Variants in DPP6 observed in about 807,000 individuals in gnomAD.
DPP6 encodes A-type potassium channel modulatory protein DPP6.
Under a neutral mutation model 122.6 loss-of-function variants are expected in DPP6, and 69 were observed. The ratio of observed to expected loss-of-function variants is 0.56; its 90% CI spans 0.46 to 0.69. The LOEUF (loss-of-function observed/expected upper bound fraction) is 0.69. Among genes scored for constraint, DPP6 ranks in the 30% least tolerant of loss-of-function variants. The pLI, the probability that DPP6 is intolerant of heterozygous loss-of-function variation, is 0.00. For synonymous variants in DPP6, 418 were observed against 433.1 expected, an observed-to-expected ratio of 0.97 and a Z score of 0.43; for missense variants, 928 against 1,116.9, an observed-to-expected ratio of 0.83 and a Z score of 2.41.
chr7:154,445,888 A>G (rs980601182), intron 1 of DPP6, among the ~76,000 whole-genome samples: 1 of 152,228 alleles, frequency 6.6e-6, no homozygotes, highest in Admixed American at 6.5e-5. Context: ...GGAAAGCTCC[A>G]AGATGACCCT....
chr7:154,338,421 G>C (rs140062661), intron 1 of DPP6, among the ~76,000 whole-genome samples: 1 of 152,094 alleles, frequency 6.6e-6, no homozygotes, highest in African/African-American at 2.4e-5. Flanking sequence ...ATAGTAACTC[G>C]TGATCCAGGG....
intron 4 of DPP6, among the ~76,000 whole-genome samples, chr7:154,550,108 T>C (rs548274532): frequency 6.6e-6 from 1 of 152,344 alleles, no homozygotes; most frequent in South Asian, 2.1e-4. Context: ...TATAAAAGTT[T>C]ATCCCATTTA....
intron 6 of DPP6, among the ~76,000 whole-genome samples, chr7:154,665,866 A>G (rs912593827): frequency 6.6e-6 from 1 of 151,982 alleles, no homozygotes; most frequent in East Asian, 1.9e-4. Flanking sequence ...TTTTTTCAAC[A>G]GTGAAAAACC....
At chr7:154,493,113 T>A (rs912693195) in intron 3 of DPP6, among the ~76,000 whole-genome samples, 2 of 152,120 alleles carry the variant, frequency 1.3e-5, no homozygotes, top group African/African-American at 4.8e-5. Flanking sequence ...ATGGGACCCA[T>A]CAAAGATGTC....
At chr7:154,346,294 C>G (rs1017997105) in intron 1 of DPP6, among the ~76,000 whole-genome samples, 1 of 152,008 alleles carries the variant, frequency 6.6e-6, no homozygotes, top group African/African-American at 2.4e-5. Context: ...CAGTGATTCT[C>G]TCTTTCATCT....
chr7:153,949,871 A>G (rs777970475), intron 1 of DPP6, among the ~76,000 whole-genome samples: 2 of 152,190 alleles, frequency 1.3e-5, no homozygotes, highest in Non-Finnish European at 2.9e-5. Context: ...GGAATAAACT[A>G]AGCGCCCCTT....
intron 1 of DPP6, among the ~76,000 whole-genome samples, chr7:154,005,045 A>C (rs1185817257): frequency 6.6e-6 from 1 of 152,208 alleles, no homozygotes; most frequent in African/African-American, 2.4e-5. Context: ...CAGACCTGAA[A>C]AAAAAAAGCA....
At chr7:154,505,018 A>G (rs919731149) in intron 3 of DPP6, among the ~76,000 whole-genome samples, 4 of 152,194 alleles carry the variant, frequency 2.6e-5, no homozygotes, top group African/African-American at 9.7e-5. Context: ...TAATTGCAGA[A>G]TCAGAACTAG....
intron 1 of DPP6, among the ~76,000 whole-genome samples, chr7:153,913,584 T>C (rs1217761509): frequency 2.6e-5 from 4 of 152,140 alleles, no homozygotes; most frequent in African/African-American, 9.6e-5. Flanking sequence ...CTTACCTTTT[T>C]TCCCCTGATA....
chr7:153,973,688 A>T (rs1796147182), intron 1 of DPP6, among the ~76,000 whole-genome samples: 1 of 138,846 alleles, frequency 7.2e-6, no homozygotes, highest in Admixed American at 7.4e-5. Context: ...TAATGGTAGG[A>T]TGTTTCAGTC....
the DPP6 span, among the ~76,000 whole-genome samples, chr7:153,843,352 G>A: frequency 6.6e-6 from 1 of 152,134 alleles, no homozygotes; most frequent in Non-Finnish European, 1.5e-5. Flanking sequence ...AATGTTTCAG[G>A]CTTTGTGGTC....
At chr7:154,630,979 T>G (rs1305212849) in intron 5 of DPP6, among the ~76,000 whole-genome samples, 1 of 151,968 alleles carries the variant, frequency 6.6e-6, no homozygotes, top group Non-Finnish European at 1.5e-5. Context: ...AAATTTCACC[T>G]AAAAAAAAGA....
chr7:153,972,215 A>G (rs1474529737), intron 1 of DPP6, among the ~76,000 whole-genome samples: 1 of 150,796 alleles, frequency 6.6e-6, no homozygotes, highest in East Asian at 2.0e-4. Flanking sequence ...GGAGGAGTGA[A>G]GGACAGAAAT....
chr7:154,139,021 G>A (rs1427463204), intron 1 of DPP6, among the ~76,000 whole-genome samples: 1 of 152,100 alleles, frequency 6.6e-6, no homozygotes, highest in African/African-American at 2.4e-5. Flanking sequence ...AGCAGAGGAA[G>A]TAGGTGTGGC....
In DPP6 at chr7:154,223,748, G is replaced by A. The variant is rs553440049; in HGVS notation, c.243+170685G>A. Among the ~76,000 whole-genome samples the A allele has an allele frequency of 6.0e-5, 9 of 149,376 alleles. No homozygotes were observed. In the South Asian group the frequency reaches 1.7e-3, roughly 28 times the overall value. On this transcript the variant is annotated intron_variant, in intron 1 of 25. Coordinates refer to ENST00000377770, the MANE Select transcript of DPP6 (RefSeq NM_130797.4). Reference sequence around the variant, plus strand: ...TGCCACATCTTCCTAGAAGCAACGGGAACCCATGGAGAGGCTCTTGGGGTG... The same window carrying A: ...TGCCACATCTTCCTAGAAGCAACGGAAACCCATGGAGAGGCTCTTGGGGTG...
At chr7:153,941,830 C>T (rs545583537) in intron 1 of DPP6, among the ~76,000 whole-genome samples, 1 of 152,276 alleles carries the variant, frequency 6.6e-6, no homozygotes, top group African/African-American at 2.4e-5. Context: ...AGATAAGAAA[C>T]AATCTCTCTT....
intron 5 of DPP6, among the ~76,000 whole-genome samples, chr7:154,569,248 A>G (rs1020542992): frequency 6.6e-6 from 1 of 152,082 alleles, no homozygotes; most frequent in Non-Finnish European, 1.5e-5. Context: ...ATTCTGGAAT[A>G]AGTGGAATAG....
intron 2 of DPP6, among the ~76,000 whole-genome samples, chr7:154,460,353 T>G (rs6966462): frequency 0.2 from 30,238 of 152,092 alleles, 3,573 homozygotes; most frequent in East Asian, 0.43. Flanking sequence ...AGGTCAAAAT[T>G]TAGCTGCTTT....
At chr7:154,337,099 A>G (rs756615607) in intron 1 of DPP6, among the ~76,000 whole-genome samples, 1 of 152,212 alleles carries the variant, frequency 6.6e-6, no homozygotes, top group African/African-American at 2.4e-5. Flanking sequence ...AGAAAGTTAC[A>G]TCACTCTTGC....
Sources: allele counts gnomAD v4.1 joint callset (sites outside exome capture counted in the v4.1 genomes callset), GRCh38; gene constraint gnomAD v4.1.1; transcripts MANE v1.5; gene names NCBI Gene and HGNC (gene_info 2026-07-23, HGNC 2026-07-21).